The following POGZ variants were observed in gnomAD, a reference collection of about 807,000 sequenced individuals.
The protein encoded by POGZ is pogo transposable element derived with ZNF domain.
A neutral mutation model predicts 134.6 loss-of-function variants in POGZ; 17 were observed. The ratio of observed to expected loss-of-function variants is 0.13; its 90% CI spans 0.09 to 0.19. The LOEUF is 0.19. Ranked by LOEUF, POGZ falls within the 10% of genes least tolerant of loss-of-function variation. The probability of loss-of-function intolerance (pLI) is 1.00; values close to 1 mark genes in which losing one functional copy is unlikely to be tolerated. For synonymous variants in POGZ, 693 were observed against 657.1 expected (o/e 1.05, Z -0.84); for missense variants, 1,306 against 1,769.7 (o/e 0.74, Z 4.70).
intron 10 of POGZ, 144 bp from the exon 11 acceptor site, chr1:151,412,540 G>A: frequency 1.7e-6 from 1 of 587,540 alleles, no homozygotes; most frequent in East Asian, 2.9e-5. Flanking sequence ...TTCTTTAAAT[G>A]GCTCCACCTT....
At position 151,403,517 on chromosome 1, in the gene POGZ, C is replaced by A; in HGVS notation, c.*1285G>T. ...TGGTTTTTTGCTCCTTTTCTCTGTA[C>A]GGTACAGTACGTTTTGGTTTACAAC... is the stretch of plus-strand genomic sequence containing the variant. On this transcript the variant is annotated 3_prime_UTR_variant, in exon 19 of 19. Transcript: ENST00000271715. The A allele has an allele frequency of 1.0e-6, 1 of 985,406 alleles. No homozygotes were observed. The highest frequency in any genetic ancestry group is 4.7e-5 in the South Asian group (1 of 21,280). The allele number at this position is 985,406 out of a possible 1,614,324, so 61.0% of individuals were successfully genotyped here.
chr1:151,420,904 C>A (rs1215091257), intron 10 of POGZ, among the ~76,000 whole-genome samples: 1 of 150,732 alleles, frequency 6.6e-6, no homozygotes, highest in Admixed American at 6.6e-5. Context: ...ACGCCCTTTG[C>A]CAATGGGAAA....
At chr1:151,425,796 G>A (rs1657669452) in intron 7 of POGZ, among the ~76,000 whole-genome samples, 1 of 152,094 alleles carries the variant, frequency 6.6e-6, no homozygotes, top group Admixed American at 6.5e-5. Context: ...TTCAGCTATT[G>A]TGAATAATGT....
At chr1:151,435,248 T>C (rs1387945099) in intron 3 of POGZ, among the ~76,000 whole-genome samples, 2 of 152,110 alleles carry the variant, frequency 1.3e-5, no homozygotes, top group African/African-American at 4.8e-5. Flanking sequence ...AGCCCAGAAA[T>C]AGAGGGCTAA....
chr1:151,424,109 C>T lies in POGZ; in HGVS notation c.1363G>A (p.Glu455Lys). The T allele has an allele frequency of 6.2e-7, 1 of 1,614,158 alleles. No homozygotes were observed. Among genetic ancestry groups the T allele is most frequent in the Non-Finnish European group, 8.5e-7 (1 of 1,180,024 alleles). ...SPPTKVPEPN[E>K]NVGDAVQTKL... Reference sequence around the variant, plus strand: ...GTCTGGACGGCATCGCCCACGTTCTCATTTGGTTCTGGTACTTTGGTAGGC... The same window carrying T: ...GTCTGGACGGCATCGCCCACGTTCTTATTTGGTTCTGGTACTTTGGTAGGC... The change falls in exon 9 of 19, where the codon GAG becomes AAG. Residue 455 changes from glutamate to lysine, a missense_variant. Glu to Lys is a moderately conservative substitution (Grantham distance 56). Transcript: ENST00000271715.
At chr1:151,424,430 C>T (rs1241292281) in intron 8 of POGZ, 144 bp from the exon 9 acceptor site, 6 of 571,536 alleles carry the variant, frequency 1.0e-5, no homozygotes, top group Middle Eastern at 3.9e-4. Flanking sequence ...TTAGCGTTTC[C>T]AAGTTTTACT....
At chr1:151,446,553 C>T (rs982607117) in intron 1 of POGZ, among the ~76,000 whole-genome samples, 2 of 151,608 alleles carry the variant, frequency 1.3e-5, no homozygotes, top group South Asian at 2.1e-4. Flanking sequence ...GTTGAGAGTT[C>T]GAGACTAGCC....
intron 10 of POGZ, among the ~76,000 whole-genome samples, chr1:151,414,743 C>CTA (rs1486897423): frequency 6.6e-6 from 1 of 152,094 alleles, no homozygotes; most frequent in Non-Finnish European, 1.5e-5. Context: ...GATGGCGCCA[C>CTA]TACACTCCAG....
chr1:151,456,827 C>A (rs1431083210), intron 1 of POGZ, among the ~76,000 whole-genome samples: 1 of 152,032 alleles, frequency 6.6e-6, no homozygotes, highest in Admixed American at 6.6e-5. Flanking sequence ...TGCAGTGAGC[C>A]GAGATAGTGC....
In POGZ at chr1:151,406,366, G is replaced by A. The variant is rs141251585; in HGVS notation, c.2669C>T (p.Ala890Val). ...PTNKAATVKSAGATPAEPEEL... is the reference protein window; with the variant it reads ...PTNKAATVKSVGATPAEPEEL... ...TTCAGGCTCAGCTGGGGTGGCCCCC[G>A]CAGATTTCACAGTGGCAGCTTTGTT... Residue 890 changes from alanine (A) to valine (V), a missense_variant, in exon 19 of 19, where the codon GCG becomes GTG. By Grantham distance (64) the Ala-to-Val change is moderately conservative (BLOSUM62 0). Transcript: ENST00000271715. The A allele has an allele frequency of 9.8e-4, 1,553 of 1,590,748 alleles. 3 individuals are homozygous for A. Among genetic ancestry groups the A allele is most frequent in the Non-Finnish European group, 1.2e-3 (1,413 of 1,169,362 alleles).
At chr1:151,433,626 A>G (rs867625165) in intron 3 of POGZ, among the ~76,000 whole-genome samples, 2,196 of 151,290 alleles carry the variant, frequency 0.015, 29 homozygotes, top group Middle Eastern at 0.035. Context: ...AAAAAAAAAA[A>G]AAGAATTTTC....
In POGZ at chr1:151,424,241, G is replaced by A. The variant is rs1657409510; in HGVS notation, c.1231C>T (p.Leu411=). The stretch of plus-strand genomic sequence containing the variant: ...GATGGGACACTGGGTTCTGAATCCA[G>A]GGACTTTCCTTTCTTCTGGTATTCA... ...MVEYQKKGKS[L]DSEPSVPSAA... The change falls in exon 9 of 19, where the codon CTG becomes TTG. Residue 411 remains leucine (L), a synonymous_variant. Coordinates refer to ENST00000271715, the MANE Select transcript of POGZ (RefSeq NM_015100.4). The A allele has an allele frequency of 3.7e-6, 6 of 1,609,572 alleles. No individual in the cohort carries two copies. The highest frequency in any genetic ancestry group is 5.1e-6 in the Non-Finnish European group (6 of 1,177,906).
rs12125310 is a variant in POGZ, at chr1:151,459,156, T to C, written c.-6A>G. On this transcript the variant is annotated 5_prime_UTR_variant, in exon 1 of 19. Transcript: ENST00000271715. Reference sequence around the variant, plus strand: ...AAGGCTCGCTCGCTCACTCACCTCCTGTGGTCGTCGCCGCCGGTAGTCTGA... The same window carrying C: ...AAGGCTCGCTCGCTCACTCACCTCCCGTGGTCGTCGCCGCCGGTAGTCTGA... The C allele has an allele frequency of 0.82, 123,553 of 150,722 alleles. 50,836 individuals are homozygous for C. Among genetic ancestry groups the C allele is most frequent in the Non-Finnish European group, 0.83 (55,892 of 67,556 alleles). The allele number at this position is 150,722 out of a possible 1,614,324, so 9.3% of individuals were successfully genotyped here.
intron 14 of POGZ, 22 bp from the exon 15 acceptor site, chr1:151,408,262 A>G: frequency 3.1e-6 from 5 of 1,601,206 alleles, no homozygotes; most frequent in Non-Finnish European, 4.3e-6. Context: ...AAAAAAAAAG[A>G]ATTCTCATTA....
chr1:151,457,186 T>C (rs1299272261), intron 1 of POGZ, among the ~76,000 whole-genome samples: 1 of 152,168 alleles, frequency 6.6e-6, no homozygotes, highest in Admixed American at 6.5e-5. Context: ...CTAAATCAGG[T>C]TCGTCCCAAG....
At chr1:151,415,526 C>A (rs1190108848) in intron 10 of POGZ, among the ~76,000 whole-genome samples, 1 of 151,830 alleles carries the variant, frequency 6.6e-6, no homozygotes, top group African/African-American at 2.4e-5. Flanking sequence ...AAAAAATTAG[C>A]CGGGCGTGGT....
At chr1:151,408,388 C>T (rs779178731) in intron 14 of POGZ, 21 bp downstream of exon 14, 2 of 1,578,238 alleles carry the variant, frequency 1.3e-6, no homozygotes, top group Non-Finnish European at 1.7e-6. Flanking sequence ...ACCCGCCCAG[C>T]ACTTAGAAGA....
chr1:151,455,272 C>T (rs1291197920), intron 1 of POGZ: 3 of 152,158 alleles, frequency 2.0e-5, no homozygotes, highest in Non-Finnish European at 4.4e-5. Context: ...CAGATAAGGT[C>T]AAAACAGTGG....
chr1:151,408,806 T>C lies in POGZ; in HGVS notation c.1949A>G (p.Asn650Ser), dbSNP rs926360198. ...AAAGAGAAACTGCAGCCGGCATTTG[T>C]TGCAGTGATAAACATTTCTCTTCTG... ...RHQKRNVYHC[N>S]KCRLQFLFAK... is the part of the protein sequence containing the mutation. The change falls in exon 13 of 19, where the codon AAC becomes AGC. Residue 650 changes from asparagine to serine, a missense_variant. Coordinates refer to ENST00000271715, the MANE Select transcript of POGZ (RefSeq NM_015100.4). 6.2e-7 allele frequency: 1 copy of C among 1,613,684 alleles called. No individual in the cohort carries two copies.
Sources: gnomAD v4.1 joint callset for allele counts (sites outside exome capture counted in the v4.1 genomes callset) on GRCh38, gnomAD v4.1.1 for gene constraint, MANE v1.5 for transcripts, NCBI Gene and HGNC (gene_info 2026-07-23, HGNC 2026-07-21) for gene names.